RNF6: variants seen among roughly 807,000 people sequenced by gnomAD.
The protein encoded by RNF6 is ring finger protein 6.
In RNF6, 21 loss-of-function variants were observed where a neutral mutation model predicts 50.1. That is an observed-to-expected ratio of 0.42 (90% CI 0.30 to 0.60). The LOEUF (loss-of-function observed/expected upper bound fraction) is 0.60. Ranked by LOEUF, RNF6 falls within the 20% of genes least tolerant of loss-of-function variation. The pLI is 0.20. For synonymous variants in RNF6, 255 were observed against 291.8 expected (o/e 0.87, Z 1.29); for missense variants, 698 against 838.2 (o/e 0.83, Z 2.07).
At chr13:26,179,181 T>C (rs981184373) in intron 5 of RNF6, among the ~76,000 whole-genome samples, 2 of 152,186 alleles carry the variant, frequency 1.3e-5, no homozygotes, top group East Asian at 3.9e-4. Flanking sequence ...TTCTTGACTC[T>C]GGCAGGGGCT....
intron 5 of RNF6, among the ~76,000 whole-genome samples, chr13:26,141,188 G>T (rs1310041679): frequency 6.6e-6 from 1 of 152,044 alleles, no homozygotes; most frequent in Non-Finnish European, 1.5e-5. Context: ...TAAGCAAAAA[G>T]AACAAAGTCA....
rs376681903 is a variant in RNF6, at chr13:26,219,246, T to C, written c.193+211A>G. 97 of 470,662 alleles carry C rather than the reference T, an allele frequency of 2.1e-4. 1 individual carries two copies. In the East Asian group the frequency reaches 2.7e-3, roughly 13 times the overall value. The allele number at this position is 470,662 out of a possible 1,614,324, so 29.2% of individuals were successfully genotyped here. A position where few individuals can be genotyped will look rare whatever the true frequency, so the allele number is the denominator to read the frequency against. On this transcript the variant is annotated intron_variant, in intron 3 of 4. Coordinates refer to ENST00000381588, the MANE Select transcript of RNF6 (RefSeq NM_005977.4). ...GTTTCTTAGTTTGGCATTTGTATAA[T>C]AGTGCTCCATGTCCCCTATTTTCAC...
At chr13:26,145,298 G>A (rs1200768663) in intron 5 of RNF6, among the ~76,000 whole-genome samples, 1 of 152,210 alleles carries the variant, frequency 6.6e-6, no homozygotes, top group Non-Finnish European at 1.5e-5. Flanking sequence ...ACGCTCAGGT[G>A]ATCGGAATGT....
At chr13:26,158,724 G>GGTGT (rs138094219) in intron 5 of RNF6, among the ~76,000 whole-genome samples, 3 of 151,372 alleles carry the variant, frequency 2.0e-5, no homozygotes, top group Admixed American at 1.3e-4. Context: ...TCTGTGTGTG[G>GGTGT]GTGTGTGTGT....
chr13:26,166,853 G>A (rs758700207), intron 5 of RNF6, among the ~76,000 whole-genome samples: 6 of 152,310 alleles, frequency 3.9e-5, no homozygotes, highest in South Asian at 2.1e-4. Context: ...CCAGGAGGCA[G>A]AGGTTGCAGT....
Position 26,158,114 on chromosome 13 carries a change from C to T in RNF6, n.769-25663G>A, listed in dbSNP as rs75962186. ...GGATAGATAGACAGAGACTCCAGGA[C>T]TCCAGGAAGGTAGGAGAGAGGAGCC... On this transcript the variant is annotated intron_variant and non_coding_transcript_variant, in intron 5 of 5. Transcript: ENST00000468480. Among the ~76,000 whole-genome samples the T allele has an allele frequency of 1.6e-4, 24 of 152,238 alleles. 1 individual carries two copies. In the East Asian group the frequency reaches 4.4e-3, roughly 28 times the overall value.
At chr13:26,184,014 ATATATTTTTTTT>A (rs1361107360) in intron 5 of RNF6, among the ~76,000 whole-genome samples, 1,374 of 57,672 alleles carry the variant, frequency 0.024, 7 homozygotes, top group Middle Eastern at 0.037. Flanking sequence ...ATATATATAT[ATATATTTTTTTT>A]TTTTTTTTTT....
At chr13:26,205,234 A>G (rs1869062282) in intron 5 of RNF6, among the ~76,000 whole-genome samples, 1 of 140,058 alleles carries the variant, frequency 7.1e-6, no homozygotes, top group Non-Finnish European at 1.6e-5. Flanking sequence ...CAATAAGTAC[A>G]TGGAGTCAGA....
At chr13:26,163,946 A>C (rs1872329287) in intron 5 of RNF6, among the ~76,000 whole-genome samples, 1 of 152,228 alleles carries the variant, frequency 6.6e-6, no homozygotes, top group African/African-American at 2.4e-5. Flanking sequence ...TGAGTTTCAA[A>C]TATTTTTCAC....
chr13:26,193,209 G>T (rs1296139093), intron 5 of RNF6, among the ~76,000 whole-genome samples: 1 of 152,044 alleles, frequency 6.6e-6, no homozygotes, highest in African/African-American at 2.4e-5. Context: ...GGAGGAATCA[G>T]CTTATAAAAG....
intron 5 of RNF6, among the ~76,000 whole-genome samples, chr13:26,198,105 C>T (rs541254268): frequency 3.7e-5 from 5 of 134,034 alleles, no homozygotes; most frequent in East Asian, 4.4e-4. Context: ...GTGTGTAGTA[C>T]GAAAGTATAT....
intron 5 of RNF6, among the ~76,000 whole-genome samples, chr13:26,172,768 C>A (rs1164704558): frequency 1.3e-5 from 2 of 152,276 alleles, no homozygotes; most frequent in Admixed American, 1.3e-4. Flanking sequence ...TGGTCTCGAT[C>A]TCCTGACCTC....
At chr13:26,169,469 C>A (rs9512139) in intron 5 of RNF6, among the ~76,000 whole-genome samples, 112,963 of 151,842 alleles carry the variant, frequency 0.74, 42,281 homozygotes, top group East Asian at 0.8. Context: ...CTTAACTGTA[C>A]ATGGGTTTCT....
intron 5 of RNF6, among the ~76,000 whole-genome samples, chr13:26,179,072 A>G (rs769526304): frequency 2.7e-4 from 41 of 152,288 alleles, no homozygotes; most frequent in Admixed American, 1.0e-3. Flanking sequence ...CCAGTTATCA[A>G]TCCCAGAGGA....
At chr13:26,153,368 C>A (rs922459405) in intron 5 of RNF6, among the ~76,000 whole-genome samples, 1 of 151,938 alleles carries the variant, frequency 6.6e-6, no homozygotes, top group Non-Finnish European at 1.5e-5. Flanking sequence ...CATGCACCAC[C>A]ACGTCCGGCT....
chr13:26,157,419 T>A (rs1169127158), intron 5 of RNF6, among the ~76,000 whole-genome samples: 3 of 151,796 alleles, frequency 2.0e-5, no homozygotes, highest in African/African-American at 7.3e-5. Flanking sequence ...CTTAAAAAAA[T>A]AGAAAAGTTC....
chr13:26,198,781 C>G (rs1333351124), intron 5 of RNF6, among the ~76,000 whole-genome samples: 2 of 151,850 alleles, frequency 1.3e-5, no homozygotes, highest in Admixed American at 6.6e-5. Flanking sequence ...GTAAATTTAG[C>G]AAGGTCAGAG....
chr13:26,174,516 C>T (rs576878505), intron 5 of RNF6, among the ~76,000 whole-genome samples: 5 of 150,202 alleles, frequency 3.3e-5, no homozygotes, highest in East Asian at 1.9e-4. Flanking sequence ...ATTAGCTGAG[C>T]GTGGTGGCAG....
chr13:26,189,505 A>G (rs1868378030), intron 5 of RNF6, among the ~76,000 whole-genome samples: 1 of 152,244 alleles, frequency 6.6e-6, no homozygotes, highest in Admixed American at 6.5e-5. Context: ...CAAGGAGGAA[A>G]TGGAAAACTC....
Sources: allele counts gnomAD v4.1 joint callset (sites outside exome capture counted in the v4.1 genomes callset), GRCh38; gene constraint gnomAD v4.1.1; transcripts MANE v1.5; gene names NCBI Gene and HGNC (gene_info 2026-07-23, HGNC 2026-07-21).